Variants in LIFR observed in about 807,000 individuals in gnomAD.
The protein encoded by LIFR is leukemia inhibitory factor receptor.
LIFR carries 84 observed loss-of-function variants against 122.2 expected under a neutral mutation model. That is an observed-to-expected ratio of 0.69 (90% CI 0.58 to 0.82). The LOEUF is 0.82. LIFR is among the 40% of genes least tolerant of loss of function. The pLI, the probability that LIFR is intolerant of heterozygous loss-of-function variation, is 0.00. For missense variants in LIFR, 1,294 were observed against 1,311.6 expected (o/e 0.99, Z 0.21); for synonymous variants, 422 against 434.7 (o/e 0.97, Z 0.36).
intron 1 of LIFR, among the ~76,000 whole-genome samples, chr5:38,549,149 A>C (rs1748055134): frequency 6.6e-6 from 1 of 152,060 alleles, no homozygotes; most frequent in South Asian, 2.1e-4. Context: ...GGAAAGTAAA[A>C]AGAATAACAG....
At chr5:38,534,433 T>C (rs994019008) in intron 1 of LIFR, among the ~76,000 whole-genome samples, 1 of 152,212 alleles carries the variant, frequency 6.6e-6, no homozygotes, top group Non-Finnish European at 1.5e-5. Flanking sequence ...AAGGCATGAA[T>C]AGCTTTTCAG....
chr5:38,597,132 A>G (rs370346913), upstream of LIFR, among the ~76,000 whole-genome samples: 23 of 152,332 alleles, frequency 1.5e-4, 1 homozygote, highest in Middle Eastern at 6.8e-3. Context: ...GACTCCCTGT[A>G]AACAGGATAA....
chr5:38,538,898 C>G (rs140997638), intron 1 of LIFR, among the ~76,000 whole-genome samples: 3 of 152,218 alleles, frequency 2.0e-5, no homozygotes, highest in African/African-American at 7.2e-5. Context: ...AAAATTCACA[C>G]GTCTATTCCG....
chr5:38,589,116 G>A (rs1236120305), intron 1 of LIFR, among the ~76,000 whole-genome samples: 2 of 151,332 alleles, frequency 1.3e-5, no homozygotes, highest in Middle Eastern at 3.4e-3. Context: ...TCCTGCCTCA[G>A]CCTCCCAACT....
chr5:38,602,188 T>G (rs868229195), intron 2 of LIFR, among the ~76,000 whole-genome samples: 2 of 152,172 alleles, frequency 1.3e-5, no homozygotes, highest in Non-Finnish European at 2.9e-5. Flanking sequence ...TTCTTTAGAG[T>G]AGGAAGCTGA....
intron 14 of LIFR, among the ~76,000 whole-genome samples, chr5:38,492,838 T>C (rs986242345): frequency 1.3e-5 from 2 of 152,048 alleles, no homozygotes; most frequent in Non-Finnish European, 2.9e-5. Flanking sequence ...AGAAATCCCA[T>C]GGGGACAGGC....
At chr5:38,495,545 C>T (rs1744833079) in intron 13 of LIFR, among the ~76,000 whole-genome samples, 1 of 152,176 alleles carries the variant, frequency 6.6e-6, no homozygotes, top group African/African-American at 2.4e-5. Context: ...AACAAAGATG[C>T]AGTCAAGTAA....
Position 38,499,568 on chromosome 5 carries a change from G to C in LIFR, c.1616C>G (p.Pro539Arg). ...LTTEASPSKG[P>R]DTWREWSSDG... is the part of the protein sequence containing the mutation. ...AGAACTCCACTCTCTCCAAGTATCA[G>C]GCCCCTTTGAAGGACCTAAAAAGGA... Residue 539 changes from proline (P) to arginine (R), a missense_variant, in exon 12 of 20, where the codon CCT becomes CGT. By Grantham distance (103) the Pro-to-Arg change is moderately radical. Coordinates refer to ENST00000453190, the MANE Select transcript of LIFR (RefSeq NM_001127671.2). 1 of 1,607,844 alleles carries C rather than the reference G, an allele frequency of 6.2e-7. No individual in the cohort carries two copies. Among genetic ancestry groups the C allele is most frequent in the Non-Finnish European group, 8.5e-7 (1 of 1,174,376 alleles).
chr5:38,592,175 C>T (rs555180341), intron 1 of LIFR, among the ~76,000 whole-genome samples: 2 of 152,132 alleles, frequency 1.3e-5, no homozygotes, highest in Non-Finnish European at 2.9e-5. Flanking sequence ...AGCCCACTAA[C>T]TATGGCCTTG....
At chr5:38,545,133 G>A (rs1451751052) in intron 1 of LIFR, among the ~76,000 whole-genome samples, 7 of 152,114 alleles carry the variant, frequency 4.6e-5, no homozygotes, top group Non-Finnish European at 8.8e-5. Context: ...AGCCGGGCGT[G>A]GTGGCGGACG....
intron 12 of LIFR, among the ~76,000 whole-genome samples, chr5:38,498,832 T>C (rs138723785): frequency 1.2e-3 from 188 of 152,330 alleles, no homozygotes; most frequent in African/African-American, 4.4e-3. Context: ...TGAACCTGCA[T>C]GTACACTTCA....
At chr5:38,532,205 G>C (rs1747048222) in intron 1 of LIFR, among the ~76,000 whole-genome samples, 1 of 152,168 alleles carries the variant, frequency 6.6e-6, no homozygotes, top group African/African-American at 2.4e-5. Flanking sequence ...AAGAGACACA[G>C]GCCCTACAGC....
At chr5:38,548,342 T>C (rs1025429572) in intron 1 of LIFR, among the ~76,000 whole-genome samples, 8 of 152,192 alleles carry the variant, frequency 5.3e-5, no homozygotes, top group Admixed American at 3.9e-4. Flanking sequence ...TCATATACAG[T>C]AGTTTGTTGA....
At chr5:38,541,904 A>T (rs926271524) in intron 1 of LIFR, among the ~76,000 whole-genome samples, 4 of 152,208 alleles carry the variant, frequency 2.6e-5, no homozygotes, top group African/African-American at 9.6e-5. Context: ...GGAAAACCAC[A>T]AAAAAAGGTT....
intron 5 of LIFR, among the ~76,000 whole-genome samples, chr5:38,522,034 C>T (rs1310957619): frequency 6.6e-6 from 1 of 152,136 alleles, no homozygotes; most frequent in African/African-American, 2.4e-5. Flanking sequence ...CCCCATGCTC[C>T]CTCCAGAATG....
chr5:38,535,123 C>T (rs1052200240), intron 1 of LIFR, among the ~76,000 whole-genome samples: 2 of 152,154 alleles, frequency 1.3e-5, no homozygotes, highest in Non-Finnish European at 2.9e-5. Context: ...ACAATCCATA[C>T]AACTGGAGTC....
rs1743697810 is a variant in LIFR, at chr5:38,475,794, C to T, written c.*5801G>A. 5.3e-6 allele frequency: 1 copy of T among 188,580 alleles called. No homozygotes were observed. 11.7% of individuals were successfully genotyped at this position (188,580 alleles called of 1,614,324 possible). On this transcript the variant is annotated 3_prime_UTR_variant, in exon 20 of 20. Coordinates refer to ENST00000453190, the MANE Select transcript of LIFR (RefSeq NM_001127671.2). Reference sequence around the variant, plus strand: ...AATGAAAGAGAAGAAAACCTAACATCCTTATTAGGAAAGTTAAGTATTTTG... The same window carrying T: ...AATGAAAGAGAAGAAAACCTAACATTCTTATTAGGAAAGTTAAGTATTTTG...
At position 38,510,700 on chromosome 5, in the gene LIFR, G is replaced by T; in HGVS notation, c.755C>A (p.Thr252Asn). Residue 252 changes from threonine to asparagine, a missense_variant, in exon 7 of 20, where the codon ACT becomes AAT. Physicochemically the swap from Thr to Asn is moderately conservative, Grantham distance 65. Transcript: ENST00000453190. ...CACTTTATCTTGAGGAAAAACCTTA[G>T]TCTGAGAATCAGGTATCCCTAGAAA... The part of the protein sequence containing the change: ...KNISWIPDSQ[T>N]KVFPQDKVIL... 6.2e-7 allele frequency: 1 copy of T among 1,611,274 alleles called. No individual in the cohort carries two copies. The highest frequency in any genetic ancestry group is 8.5e-7 in the Non-Finnish European group (1 of 1,177,634).
chr5:38,533,679 C>T (rs879448931), intron 1 of LIFR, among the ~76,000 whole-genome samples: 1 of 152,204 alleles, frequency 6.6e-6, no homozygotes, highest in Non-Finnish European at 1.5e-5. Context: ...TGTCCCCCAA[C>T]CCCTCTCTAT....
Sources: gnomAD v4.1 joint callset for allele counts (sites outside exome capture counted in the v4.1 genomes callset) on GRCh38, gnomAD v4.1.1 for gene constraint, MANE v1.5 for transcripts, NCBI Gene and HGNC (gene_info 2026-07-23, HGNC 2026-07-21) for gene names.